The following PRDX3 variants were observed in gnomAD, a reference collection of about 807,000 sequenced individuals.
The protein encoded by PRDX3 is peroxiredoxin 3.
In PRDX3, 20 loss-of-function variants were observed where a neutral mutation model predicts 30.4. The observed-to-expected ratio is 0.66, with a 90% CI of 0.46 to 0.96. The LOEUF (loss-of-function observed/expected upper bound fraction) is 0.96, where lower values mean the gene tolerates loss of function less well. Among genes scored for constraint, PRDX3 ranks in the 40% least tolerant of loss-of-function variants. The pLI, the probability that PRDX3 is intolerant of heterozygous loss-of-function variation, is 0.00. For missense variants in PRDX3, 322 were observed against 318.3 expected (o/e 1.01, Z -0.09); for synonymous variants, 124 against 117.8 (o/e 1.05, Z -0.34).
intron 1 of PRDX3, among the ~76,000 whole-genome samples, chr10:119,178,120 C>T (rs984756851): frequency 2.0e-5 from 3 of 152,014 alleles, no homozygotes; most frequent in African/African-American, 7.2e-5. Flanking sequence ...GCCTCGGCCT[C>T]CCAAAGTGCT....
rs1380235295 is a variant in PRDX3, at chr10:119,178,758, C to A, written c.33G>T (p.Ala11=). 5.8e-6 allele frequency: 9 copies of A among 1,552,320 alleles called. No homozygotes were observed. In the East Asian group the frequency reaches 2.2e-4, roughly 38 times the overall value. ...TCCCCAGCCGACAGCCACTCACCGA[C>A]GCTCGGAGCAACCGTCCTACAGCAG... MAAAVGRLLR[A]SVARHVSAIP... Residue 11 remains alanine, a synonymous_variant, in exon 1 of 7, where the codon GCG becomes GCT. Transcript: ENST00000298510.
At chr10:119,175,435 G>A (rs1283385699) in intron 2 of PRDX3, among the ~76,000 whole-genome samples, 1 of 152,172 alleles carries the variant, frequency 6.6e-6, no homozygotes, top group Non-Finnish European at 1.5e-5. Flanking sequence ...CGCTCTGTTC[G>A]CCCAGGCTGG....
rs1564839888 is a variant in PRDX3, at chr10:119,177,137, C to T, written c.53G>A (p.Ser18Asn). 1.2e-6 allele frequency: 2 copies of T among 1,613,324 alleles called. No homozygotes were observed. Among genetic ancestry groups the T allele is most frequent in the Non-Finnish European group, 1.7e-6 (2 of 1,179,874 alleles). ...LLRASVARHV[S>N]AIPWGISATA... Reference sequence around the variant, plus strand: ...GGCAGAAATGCCCCAAGGAATGGCACTCACATGTCGGGCAACCTGGAAAGA... The same window carrying T: ...GGCAGAAATGCCCCAAGGAATGGCATTCACATGTCGGGCAACCTGGAAAGA... Residue 18 changes from serine to asparagine, a missense_variant, in exon 2 of 7, where the codon AGT becomes AAT. Physicochemically the swap from Ser to Asn is conservative, Grantham distance 46. Coordinates refer to ENST00000298510, the MANE Select transcript of PRDX3 (RefSeq NM_006793.5).
chr10:119,178,679 G>C, intron 1 of PRDX3, 76 bp downstream of exon 1: 1 of 1,508,930 alleles, frequency 6.6e-7, no homozygotes, highest in Non-Finnish European at 9.0e-7. Flanking sequence ...GCCCAGAAGC[G>C]CGGGGTCCTG....
In PRDX3 at chr10:119,167,799, C is replaced by A. The variant is rs943209329; in HGVS notation, c.*681G>T. The A allele has an allele frequency of 2.0e-5, 3 of 152,174 alleles. No individual in the cohort carries two copies. Among genetic ancestry groups the A allele is most frequent in the Non-Finnish European group, 4.4e-5 (3 of 68,038 alleles). The allele number at this position is 152,174 out of a possible 1,614,324, so 9.4% of individuals were successfully genotyped here. ...AATAATTATAATTTCAAAATGCAAT[C>A]CCTGGATTTGATAAATATCCTTTAT... On this transcript the variant is annotated 3_prime_UTR_variant, in exon 7 of 7. Transcript: ENST00000298510.
chr10:119,168,564 G>A, intron 6 of PRDX3, 31 bp from the exon 7 acceptor site: 1 of 1,612,086 alleles, frequency 6.2e-7, no homozygotes, highest in Non-Finnish European at 8.5e-7. Context: ...TTAGGTAACT[G>A]TGACTTTACC....
chr10:119,172,303 G>T, intron 5 of PRDX3, 79 bp downstream of exon 5: 1 of 1,233,324 alleles, frequency 8.1e-7, no homozygotes, highest in Non-Finnish European at 1.2e-6. Context: ...CTTTACCAAG[G>T]TCTACATAAA....
In PRDX3 at chr10:119,172,403, T is replaced by C; in HGVS notation, c.530A>G (p.Glu177Gly). 2 of 1,613,666 alleles carry C rather than the reference T, an allele frequency of 1.2e-6. No homozygotes were observed. The highest frequency in any genetic ancestry group is 1.7e-6 in the Non-Finnish European group (2 of 1,179,540). The change falls in exon 5 of 7, where the codon GAA becomes GGA. Residue 177 changes from glutamate to glycine, a missense_variant. Physicochemically the swap from Glu to Gly is moderately conservative, Grantham distance 98. Transcript: ENST00000298510. The part of the protein sequence containing the change: ...QISRDYGVLL[E>G]GSGLALRGLF... ...TTACCTTAGTGCAAGACCAGAACCT[T>C]CTAACAGCACACCGTAGTCTCGGGA...
intron 5 of PRDX3, among the ~76,000 whole-genome samples, chr10:119,171,518 A>G (rs966396091): frequency 3.9e-5 from 6 of 152,200 alleles, no homozygotes; most frequent in African/African-American, 1.4e-4. Context: ...CCTCCCAGGA[A>G]GGTTATGTTT....
intron 3 of PRDX3, 142 bp downstream of exon 3, chr10:119,174,309 A>T: frequency 9.4e-7 from 1 of 1,064,218 alleles, no homozygotes; most frequent in Non-Finnish European, 1.3e-6. Flanking sequence ...TCCCAGCTGT[A>T]ATCAACAAGG....
chr10:119,174,353 C>T, intron 3 of PRDX3, 98 bp downstream of exon 3: 2 of 1,380,608 alleles, frequency 1.4e-6, no homozygotes, highest in Non-Finnish European at 9.8e-7. Flanking sequence ...AGAATCCTTC[C>T]TTTCACAAGG....
chr10:119,169,061 G>C, intron 6 of PRDX3, 116 bp downstream of exon 6: 2 of 712,454 alleles, frequency 2.8e-6, no homozygotes, highest in Non-Finnish European at 4.4e-6. Flanking sequence ...TCACCCATTT[G>C]CATATCATCT....
In PRDX3 at chr10:119,174,526, T is replaced by C. The variant is rs759336561; in HGVS notation, c.236A>G (p.Asn79Ser). ...AAGGCTTAGGTCTTTGAACTCTCCA[T>C]TGACAACGGCTGTACCCTTAAAATA... ...APYFKGTAVV[N>S]GEFKDLSLDD... is the part of the protein sequence containing the mutation. Residue 79 changes from asparagine (N) to serine (S), a missense_variant, in exon 3 of 7, where the codon AAT (asparagine) becomes AGT (serine). Transcript: ENST00000298510. 286 of 1,612,996 alleles carry C rather than the reference T, an allele frequency of 1.8e-4. No homozygotes were observed. The highest frequency in any genetic ancestry group is 2.3e-4 in the Non-Finnish European group (271 of 1,179,708).
chr10:119,168,021 C>CGGCT lies in PRDX3; in HGVS notation c.*455_*458dup, dbSNP rs1261856891. The CGGCT allele has an allele frequency of 6.2e-6, 1 of 161,036 alleles. No individual in the cohort carries two copies. Among genetic ancestry groups the CGGCT allele is most frequent in the Non-Finnish European group, 1.3e-5 (1 of 74,214 alleles). 10.0% of individuals were successfully genotyped at this position (161,036 alleles called of 1,614,324 possible). On this transcript the variant is annotated 3_prime_UTR_variant, in exon 7 of 7. Coordinates refer to ENST00000298510, the MANE Select transcript of PRDX3 (RefSeq NM_006793.5). ...ATAAACATTCATTGCAGGAGTTACA[C>CGGCT]GGCTAATCATTGAAAATTATGATCT...
chr10:119,172,425 G>C lies in PRDX3; in HGVS notation c.508C>G (p.Arg170Gly), dbSNP rs140609531. ...CCTTCTAACAGCACACCGTAGTCTCGGGAAATCTGCTTAGTTAAGTCTGAC... is the reference window on the plus strand; with the variant it reads ...CCTTCTAACAGCACACCGTAGTCTCCGGAAATCTGCTTAGTTAAGTCTGAC... Reference protein sequence around the residue: ...LLSDLTKQISRDYGVLLEGSG... With the variant: ...LLSDLTKQISGDYGVLLEGSG... The change falls in exon 5 of 7, where the codon CGA becomes GGA. Residue 170 changes from arginine (R) to glycine (G), a missense_variant. Arg to Gly is a moderately radical substitution (Grantham distance 125). Transcript: ENST00000298510. The C allele has an allele frequency of 3.7e-6, 6 of 1,613,926 alleles. No homozygotes were observed. Among genetic ancestry groups the C allele is most frequent in the Non-Finnish European group, 5.1e-6 (6 of 1,179,960 alleles).
In PRDX3 at chr10:119,178,016, G is replaced by A. The variant is rs187522739; in HGVS notation, c.36+739C>T. 4.6e-3 allele frequency among the ~76,000 whole-genome samples: 694 copies of A among 150,994 alleles called. 4 individuals carry two copies. The highest frequency in any genetic ancestry group is 7.1e-3 in the Admixed American group (107 of 15,114). ...CCACCTTAGCCTCCCCAGGAGCACT[G>A]ACCACCATGCCCGGCTATTTTTTTT... On this transcript the variant is annotated intron_variant, in intron 1 of 6. Transcript: ENST00000298510.
chr10:119,178,279 G>C (rs886485474), intron 1 of PRDX3, among the ~76,000 whole-genome samples: 1 of 152,222 alleles, frequency 6.6e-6, no homozygotes, highest in African/African-American at 2.4e-5. Context: ...AGTTAAGCAG[G>C]AAACAGCAGC....
intron 3 of PRDX3, among the ~76,000 whole-genome samples, 176 bp downstream of exon 3, chr10:119,174,275 T>C (rs1847976450): frequency 6.6e-6 from 1 of 152,174 alleles, no homozygotes; most frequent in Admixed American, 6.5e-5. Context: ...CCCCGAAGTT[T>C]ATCACTTGTA....
chr10:119,169,428 C>A, intron 5 of PRDX3, 86 bp from the exon 6 acceptor site: 1 of 1,108,850 alleles, frequency 9.0e-7, no homozygotes, highest in Non-Finnish European at 1.3e-6. Flanking sequence ...CTTTAATTCT[C>A]CTTTTAATAA....
Sources: allele counts gnomAD v4.1 joint callset (sites outside exome capture counted in the v4.1 genomes callset), GRCh38; gene constraint gnomAD v4.1.1; transcripts MANE v1.5; gene names NCBI Gene and HGNC (gene_info 2026-07-23, HGNC 2026-07-21).